The following KLRG1 variants were observed in gnomAD, a reference collection of about 807,000 sequenced individuals.
KLRG1 encodes the protein killer cell lectin like receptor G1, also known as killer cell lectin-like receptor subfamily G member 1.
A neutral mutation model predicts 21.8 loss-of-function variants in KLRG1; 16 were observed. The observed-to-expected ratio is 0.73, with a 90% CI of 0.50 to 1.11. The LOEUF is 1.11. KLRG1 is among the 50% of genes most tolerant of loss of function. The pLI is 0.00. For synonymous variants in KLRG1, 69 were observed against 75.9 expected, an observed-to-expected ratio of 0.91 and a Z score of 0.47; for missense variants, 173 against 218.3, an observed-to-expected ratio of 0.79 and a Z score of 1.31.
downstream of KLRG1, chr12:9,010,770 C>G (rs1947620285): frequency 6.6e-6 from 1 of 152,092 alleles, no homozygotes; most frequent in Non-Finnish European, 1.5e-5. Context: ...ACTGTTCATT[C>G]TAGTTATTTC....
chr12:9,171,109 A>G, the KLRG1 span, among the ~76,000 whole-genome samples: 108,906 of 152,068 alleles, frequency 0.72, 39,297 homozygotes, highest in East Asian at 0.87. Flanking sequence ...GCTGGCAACA[A>G]GTTAGTACCC....
chr12:9,063,259 C>A, the KLRG1 span, among the ~76,000 whole-genome samples: 6 of 152,154 alleles, frequency 3.9e-5, no homozygotes, highest in African/African-American at 1.4e-4. Flanking sequence ...TATTCTATTT[C>A]TTTCCAACTT....
chr12:9,112,810 C>T, the KLRG1 span: 20 of 416,518 alleles, frequency 4.8e-5, no homozygotes, highest in African/African-American at 2.2e-4. Context: ...TTCAATTATA[C>T]GCTGAGCTTT....
At chr12:9,207,353 T>C in the KLRG1 span, among the ~76,000 whole-genome samples, 1 of 151,990 alleles carries the variant, frequency 6.6e-6, no homozygotes, top group Non-Finnish European at 1.5e-5. Flanking sequence ...GACCCAAGAG[T>C]TCTCACCATT....
At chr12:9,054,133 C>T in the KLRG1 span, among the ~76,000 whole-genome samples, 29 of 152,188 alleles carry the variant, frequency 1.9e-4, no homozygotes, top group Non-Finnish European at 3.5e-4. Context: ...ACTGGTCATA[C>T]GAATCTGTTG....
the KLRG1 span, among the ~76,000 whole-genome samples, chr12:9,146,937 T>G: frequency 6.6e-6 from 1 of 151,840 alleles, no homozygotes; most frequent in Non-Finnish European, 1.5e-5. Context: ...CAGGCGGAAG[T>G]TGAGAGCTGG....
chr12:8,986,204 C>T (rs1269787328), upstream of KLRG1, among the ~76,000 whole-genome samples: 1 of 152,186 alleles, frequency 6.6e-6, no homozygotes, highest in East Asian at 1.9e-4. Flanking sequence ...CAACAAGACT[C>T]ATCACTGGTG....
the KLRG1 span, among the ~76,000 whole-genome samples, chr12:9,070,897 C>G: frequency 1.3e-5 from 2 of 151,774 alleles, no homozygotes; most frequent in Admixed American, 6.6e-5. Context: ...TTCGGCTCAC[C>G]GCAACCTCCG....
the KLRG1 span, among the ~76,000 whole-genome samples, chr12:9,083,743 G>A: frequency 1.4e-5 from 2 of 140,410 alleles, no homozygotes; most frequent in Non-Finnish European, 3.1e-5. Flanking sequence ...AAAAAAAAGA[G>A]TATAGAATCA....
At chr12:9,191,106 T>C in the KLRG1 span, among the ~76,000 whole-genome samples, 1 of 152,186 alleles carries the variant, frequency 6.6e-6, no homozygotes, top group Non-Finnish European at 1.5e-5. Context: ...CTTCACAAAG[T>C]AAATGATTAA....
At chr12:9,096,546 C>A in the KLRG1 span, among the ~76,000 whole-genome samples, 1 of 152,194 alleles carries the variant, frequency 6.6e-6, no homozygotes, top group African/African-American at 2.4e-5. Flanking sequence ...TGCTCCAGAT[C>A]TTCATATAAT....
the KLRG1 span, chr12:9,074,752 TTTCTGAGG>T: frequency 1.2e-6 from 2 of 1,613,332 alleles, no homozygotes; most frequent in Non-Finnish European, 1.7e-6. Context: ...GTGCCTTGGG[TTTCTGAGG>T]GCGCTCCCAA....
the KLRG1 span, among the ~76,000 whole-genome samples, chr12:9,205,213 T>G: frequency 6.6e-6 from 1 of 152,210 alleles, no homozygotes; most frequent in Non-Finnish European, 1.5e-5. Flanking sequence ...CAATTTTTTG[T>G]GTAAGCCTCA....
the KLRG1 span, among the ~76,000 whole-genome samples, chr12:9,177,445 G>T: frequency 6.6e-6 from 1 of 152,332 alleles, no homozygotes; most frequent in South Asian, 2.1e-4. Flanking sequence ...CAGGTCACAA[G>T]CTAGACCCAC....
the KLRG1 span, among the ~76,000 whole-genome samples, chr12:9,087,823 G>A: frequency 6.6e-6 from 1 of 151,976 alleles, no homozygotes; most frequent in Non-Finnish European, 1.5e-5. Context: ...ACAAAACTAT[G>A]CATATCTATG....
At chr12:9,101,761 A>T in the KLRG1 span, 1 of 1,028,988 alleles carries the variant, frequency 9.7e-7, no homozygotes. Context: ...TTACTGTCCT[A>T]CCTTAACTAG....
At chr12:9,019,529 G>A in the KLRG1 span, among the ~76,000 whole-genome samples, 663 of 152,300 alleles carry the variant, frequency 4.4e-3, 18 homozygotes, top group Admixed American at 0.033. Context: ...AAGTGTCAAT[G>A]AATAGAAGAA....
the KLRG1 span, chr12:9,109,392 A>T: frequency 6.2e-7 from 1 of 1,612,552 alleles, no homozygotes; most frequent in Middle Eastern, 1.7e-4. Flanking sequence ...CTTGTACTTC[A>T]AACTTGGGAA....
chr12:9,042,338 T>G, the KLRG1 span, among the ~76,000 whole-genome samples: 2 of 152,178 alleles, frequency 1.3e-5, no homozygotes, highest in Non-Finnish European at 2.9e-5. Flanking sequence ...ATTATTAAAG[T>G]AATAAATTAC....
Sources: gnomAD v4.1 joint callset for allele counts (sites outside exome capture counted in the v4.1 genomes callset) on GRCh38, gnomAD v4.1.1 for gene constraint, MANE v1.5 for transcripts, NCBI Gene and HGNC (gene_info 2026-07-23, HGNC 2026-07-21) for gene names.